The following USP20 variants were observed in gnomAD, a reference collection of about 807,000 sequenced individuals.
USP20 encodes ubiquitin carboxyl-terminal hydrolase 20.
USP20 carries 80 observed loss-of-function variants against 124.2 expected under a neutral mutation model. The observed-to-expected ratio is 0.64, with a 90% CI of 0.54 to 0.78. The LOEUF is 0.78. USP20 is among the 30% of genes least tolerant of loss of function. USP20 has a pLI of 0.00. For missense variants in USP20, 1,043 were observed against 1,244.4 expected, an observed-to-expected ratio of 0.84 and a Z score of 2.44; for synonymous variants, 481 against 512.3, an observed-to-expected ratio of 0.94 and a Z score of 0.83.
chr9:129,879,520 G>A lies in USP20; in HGVS notation c.2513-53G>A. 5.0e-6 allele frequency: 8 copies of A among 1,596,132 alleles called. No individual in the cohort carries two copies. The highest frequency in any genetic ancestry group is 6.9e-6 in the Non-Finnish European group (8 of 1,165,368). ...CACTTGGGATGGCTCTGCTGCTGTG[G>A]AGGGTGGAGGGCATGGCAGGGGCTG... On this transcript the variant is annotated intron_variant, in intron 23 of 25. Coordinates refer to ENST00000372429, the MANE Select transcript of USP20 (RefSeq NM_001110303.4). This position sits in a 1 kb window ranked among gnomAD's most constrained non-coding sequence, Gnocchi z 4.2.
chr9:129,843,002 T>C (rs1236142091), intron 1 of USP20, among the ~76,000 whole-genome samples: 1 of 152,208 alleles, frequency 6.6e-6, no homozygotes, highest in Non-Finnish European at 1.5e-5. Context: ...CCTTAAACTT[T>C]TTATGTTGCA....
chr9:129,862,775 A>G (rs2062805), intron 8 of USP20, among the ~76,000 whole-genome samples: 132,778 of 151,414 alleles, frequency 0.88, 58,604 homozygotes, highest in East Asian at 1. Flanking sequence ...GCATTGTGGC[A>G]TGTGCCTGTA....
intron 1 of USP20, among the ~76,000 whole-genome samples, chr9:129,848,191 G>C (rs896410045): frequency 1.3e-5 from 2 of 152,144 alleles, no homozygotes; most frequent in African/African-American, 4.8e-5. Context: ...AGCTACTCAA[G>C]GGGCTGAGGC....
rs2032061027 is a variant in USP20 at position 129,839,389 on chromosome 9, G to A, written c.-129+3890G>A. Among the ~76,000 whole-genome samples the A allele has an allele frequency of 6.6e-6, 1 of 152,184 alleles. No individual in the cohort carries two copies. Among genetic ancestry groups the A allele is most frequent in the African/African-American group, 2.4e-5 (1 of 41,438 alleles). On this transcript the variant is annotated intron_variant, in intron 1 of 25. Coordinates refer to ENST00000372429, the MANE Select transcript of USP20 (RefSeq NM_001110303.4). This position sits in a 1 kb window ranked among gnomAD's most constrained non-coding sequence, Gnocchi z 4.5. ...AAGGGCGATGAGGAGACACAGAAGTGTGTGGGCAGCAGAGACTGTGGAAGT... is the reference window on the plus strand; with the variant it reads ...AAGGGCGATGAGGAGACACAGAAGTATGTGGGCAGCAGAGACTGTGGAAGT...
intron 6 of USP20, among the ~76,000 whole-genome samples, chr9:129,860,156 C>T (rs2033461758): frequency 6.6e-6 from 1 of 152,120 alleles, no homozygotes; most frequent in African/African-American, 2.4e-5. Flanking sequence ...CGGTGAAACC[C>T]CGTCTCTACT....
At chr9:129,851,257 A>C (rs1321817878) in intron 2 of USP20, among the ~76,000 whole-genome samples, 3 of 124,126 alleles carry the variant, frequency 2.4e-5, no homozygotes, top group African/African-American at 7.0e-5. Flanking sequence ...AATAACACAT[A>C]CTTTTTTTTT....
intron 8 of USP20, 148 bp downstream of exon 8, chr9:129,861,760 G>T: frequency 1.5e-6 from 1 of 680,906 alleles, no homozygotes. Flanking sequence ...CTTTGACCCA[G>T]CAATCCTCCC....
intron 11 of USP20, 83 bp downstream of exon 11, chr9:129,868,532 C>T (rs1443603683): frequency 1.9e-5 from 29 of 1,490,668 alleles, no homozygotes; most frequent in East Asian, 4.8e-5. Context: ...CCTGCAGTAG[C>T]CCCCGGGGGA....
In USP20 at chr9:129,845,471, A is replaced by G. The variant is rs555320737; in HGVS notation, c.-128-4342A>G. Among the ~76,000 whole-genome samples, 28 of 152,308 alleles carry G rather than the reference A, an allele frequency of 1.8e-4. 1 individual carries two copies. The highest frequency in any genetic ancestry group is 4.4e-5 in the Non-Finnish European group (3 of 68,014). On this transcript the variant is annotated intron_variant, in intron 1 of 25. Transcript: ENST00000372429. ...GGCAAAAGAAAAAGAAAGAAAGGAA[A>G]ACAGCTCTCTCTCTAGTGAGAGAGG...
rs2033341258 is a variant in USP20 at position 129,858,523 on chromosome 9, C to T, written c.255C>T (p.Ala85=). 6.2e-7 allele frequency: 1 copy of T among 1,614,074 alleles called. No individual in the cohort carries two copies. The highest frequency in any genetic ancestry group is 1.3e-5 in the African/African-American group (1 of 74,930). ...NLTTFRLWCY[A]CEKEVFLEQR... The stretch of plus-strand genomic sequence containing the variant: ...CCACGTTCCGACTGTGGTGTTACGC[C>T]TGTGAGAAGGAGGTATTCCTGGAGC... Residue 85 remains alanine, a synonymous_variant, in exon 6 of 26, where the codon GCC becomes GCT. Transcript: ENST00000372429.
At chr9:129,858,638 CTG>C (rs1217008931) in intron 6 of USP20, 40 bp downstream of exon 6, 1 of 1,607,508 alleles carries the variant, frequency 6.2e-7, no homozygotes, top group African/African-American at 1.3e-5. Context: ...GTTGGTGACA[CTG>C]TGTTGAGGAT....
intron 22 of USP20, 72 bp downstream of exon 22, chr9:129,876,310 G>A (rs1451017023): frequency 3.0e-6 from 4 of 1,333,484 alleles, no homozygotes; most frequent in African/African-American, 2.9e-5. Context: ...CTTGGGGACA[G>A]AAGAATCCTG....
chr9:129,868,294 T>G lies in USP20; in HGVS notation c.980T>G (p.Met327Arg), dbSNP rs370286266. 6.2e-7 allele frequency: 1 copy of G among 1,613,946 alleles called. No individual in the cohort carries two copies. Among genetic ancestry groups the G allele is most frequent in the Non-Finnish European group, 8.5e-7 (1 of 1,179,958 alleles). ...CGAGCCATCTCTGAGAAGGAGCGGA[T>G]GAAGGACCGCAAGTTCTCCTGGGGC... The part of the protein sequence containing the change: ...AGRAISEKER[M>R]KDRKFSWGQQ... Residue 327 changes from methionine to arginine, a missense_variant, in exon 11 of 26, where the codon ATG becomes AGG. Transcript: ENST00000372429.
intron 1 of USP20, among the ~76,000 whole-genome samples, chr9:129,845,405 TTTTTTGGTTTG>T (rs1163030237): frequency 6.6e-6 from 1 of 152,234 alleles, no homozygotes; most frequent in Non-Finnish European, 1.5e-5. Flanking sequence ...TTTAGGTATT[TTTTTTGGTTTG>T]TTTTTGTTTT....
chr9:129,879,497 C>T lies in USP20; in HGVS notation c.2513-76C>T, dbSNP rs2034549534. 2.6e-6 allele frequency: 4 copies of T among 1,540,816 alleles called. No homozygotes were observed. The highest frequency in any genetic ancestry group is 1.4e-5 in the African/African-American group (1 of 73,384). ...GACCCCCAGGCCTGGGGCGGCCCCA[C>T]TTGGGATGGCTCTGCTGCTGTGGAG... On this transcript the variant is annotated intron_variant, in intron 23 of 25. Transcript: ENST00000372429. This position sits in a 1 kb window ranked among gnomAD's most constrained non-coding sequence, Gnocchi z 4.2.
intron 1 of USP20, among the ~76,000 whole-genome samples, chr9:129,841,137 A>T (rs1201725734): frequency 1.3e-5 from 2 of 152,226 alleles, no homozygotes; most frequent in Non-Finnish European, 2.9e-5. Flanking sequence ...AGTACCACAG[A>T]CTGGGTGGCT....
In USP20 at chr9:129,865,373, GC is replaced by G; in HGVS notation, c.685del (p.Gln229SerfsTer11). ...GGTCAACCCAATGTTCCGAGGCTAT[GC>G]CCAGCAGGTAAGCCATCTGAGCTGC... is the stretch of plus-strand genomic sequence containing the variant. Reference protein sequence around the residue: ...KLVNPMFRGYAQQDTQEFLRC... With the variant: ...KLVNPMFRGYXQQDTQEFLRC... On this transcript the variant is annotated frameshift_variant, in exon 10 of 26. Coordinates refer to ENST00000372429, the MANE Select transcript of USP20 (RefSeq NM_001110303.4). LOFTEE classifies it high-confidence loss of function. The G allele has an allele frequency of 1.2e-6, 2 of 1,614,166 alleles. No homozygotes were observed. The highest frequency in any genetic ancestry group is 1.7e-6 in the Non-Finnish European group (2 of 1,179,978).
intron 1 of USP20, among the ~76,000 whole-genome samples, chr9:129,843,312 C>T (rs901881730): frequency 1.3e-5 from 2 of 152,006 alleles, no homozygotes; most frequent in African/African-American, 4.8e-5. Flanking sequence ...TTCCTGTAAT[C>T]CCAGCTACTC....
chr9:129,873,417 C>A, intron 15 of USP20, 65 bp from the exon 16 acceptor site: 1 of 1,582,642 alleles, frequency 6.3e-7, no homozygotes, highest in Non-Finnish European at 8.7e-7. Context: ...TCATTATAGT[C>A]ACTTTTTTTT....
Sources: gnomAD v4.1 joint callset for allele counts (sites outside exome capture counted in the v4.1 genomes callset) on GRCh38, gnomAD v4.1.1 for gene constraint, Gnocchi (gnomAD v3.1) non-coding constraint, MANE v1.5 for transcripts, NCBI Gene and HGNC (gene_info 2026-07-23, HGNC 2026-07-21) for gene names.